The following STAM variants were observed in gnomAD, a reference collection of about 807,000 sequenced individuals.
The protein encoded by STAM is signal transducing adaptor molecule.
In STAM, 16 loss-of-function variants were observed where a neutral mutation model predicts 63.4. That is an observed-to-expected ratio of 0.25 (90% CI 0.17 to 0.38). The LOEUF is 0.38. STAM is among the 10% of genes least tolerant of loss of function. The probability of loss-of-function intolerance (pLI) is 1.00; values close to 1 mark genes in which losing one functional copy is unlikely to be tolerated. For missense variants in STAM, 636 were observed against 657.1 expected (o/e 0.97, Z 0.35); for synonymous variants, 238 against 223.9 (o/e 1.06, Z -0.56).
intron 2 of STAM, among the ~76,000 whole-genome samples, chr10:17,680,411 C>G (rs1835034990): frequency 1.3e-5 from 2 of 149,380 alleles, no homozygotes; most frequent in South Asian, 2.1e-4. Flanking sequence ...ATGATTTTGA[C>G]TACTCTTTTT....
chr10:17,715,313 C>T lies in STAM; in HGVS notation c.*533C>T, dbSNP rs997408646. ...GAAAACAAAGTTGTTAGCGTATTTA[C>T]ATGAAGGCGCATTATGTTGTCGTGT... On this transcript the variant is annotated 3_prime_UTR_variant, in exon 14 of 14. Transcript: ENST00000377524. 9.8e-5 allele frequency: 16 copies of T among 163,416 alleles called. No homozygotes were observed. The highest frequency in any genetic ancestry group is 2.9e-4 in the African/African-American group (12 of 41,638). The allele number at this position is 163,416 out of a possible 1,614,324, so 10.1% of individuals were successfully genotyped here. A position where few individuals can be genotyped will look rare whatever the true frequency, so the allele number is the denominator to read the frequency against.
intron 13 of STAM, among the ~76,000 whole-genome samples, chr10:17,713,696 C>A (rs564952508): frequency 2.0e-5 from 3 of 152,090 alleles, no homozygotes; most frequent in Non-Finnish European, 4.4e-5. Context: ...TCTCCCATCT[C>A]CACCATTACT....
At chr10:17,654,795 C>G (rs2244878) in intron 1 of STAM, among the ~76,000 whole-genome samples, 11,577 of 152,132 alleles carry the variant, frequency 0.076, 523 homozygotes, top group Admixed American at 0.12. Flanking sequence ...TCAAAAAAGT[C>G]TAGGTCTTGT....
chr10:17,667,965 T>C (rs72780799), intron 2 of STAM, among the ~76,000 whole-genome samples: 11,685 of 152,214 alleles, frequency 0.077, 528 homozygotes, highest in Admixed American at 0.11. Flanking sequence ...TAGAAGATGA[T>C]GGTTGGAAGG....
chr10:17,705,797 G>T (rs1836237674), intron 12 of STAM, 56 bp downstream of exon 12: 1 of 1,548,848 alleles, frequency 6.5e-7, no homozygotes, highest in Admixed American at 1.8e-5. Flanking sequence ...GTGAGGTGTG[G>T]TAGCTCATGC....
intron 1 of STAM, among the ~76,000 whole-genome samples, chr10:17,660,138 T>C (rs1834104491): frequency 6.6e-6 from 1 of 152,220 alleles, no homozygotes. Context: ...AATAATCTTT[T>C]GCTAATGAAA....
At chr10:17,675,232 C>T (rs932580097) in intron 2 of STAM, among the ~76,000 whole-genome samples, 6 of 152,112 alleles carry the variant, frequency 3.9e-5, no homozygotes, top group African/African-American at 7.2e-5. Flanking sequence ...TGGCTGGGCA[C>T]GTGGCTTACG....
At chr10:17,693,677 T>C (rs80211903) in intron 6 of STAM, among the ~76,000 whole-genome samples, 4,823 of 152,298 alleles carry the variant, frequency 0.032, 91 homozygotes, top group Middle Eastern at 0.14. Flanking sequence ...TTCTATAATA[T>C]CCAGTGTACT....
intron 1 of STAM, among the ~76,000 whole-genome samples, chr10:17,648,694 G>T (rs1023774768): frequency 5.3e-5 from 8 of 152,132 alleles, no homozygotes; most frequent in African/African-American, 1.9e-4. Flanking sequence ...ATAGTCAGTG[G>T]CAAGAGCCTT....
In STAM at chr10:17,695,169, A is replaced by T. The variant is rs1835704643; in HGVS notation, c.656A>T (p.Tyr219Phe). Reference protein sequence around the residue: ...QHEGRKVRAIYDFEAAEDNEL... With the variant: ...QHEGRKVRAIFDFEAAEDNEL... ...GAAGGCCGAAAAGTTCGTGCTATAT[A>T]TGACTTTGAAGCTGCTGAAGACAAT... The change falls in exon 7 of 14, where the codon TAT (tyrosine) becomes TTT (phenylalanine). Residue 219 changes from tyrosine (Y) to phenylalanine (F), a missense_variant. By Grantham distance (22) the Tyr-to-Phe change is conservative (BLOSUM62 3). Coordinates refer to ENST00000377524, the MANE Select transcript of STAM (RefSeq NM_003473.4). 6.2e-7 allele frequency: 1 copy of T among 1,613,976 alleles called. No homozygotes were observed. The highest frequency in any genetic ancestry group is 1.3e-5 in the African/African-American group (1 of 74,936).
intron 13 of STAM, among the ~76,000 whole-genome samples, chr10:17,712,893 C>T (rs538102032): frequency 6.6e-6 from 1 of 152,100 alleles, no homozygotes; most frequent in African/African-American, 2.4e-5. Context: ...AAGCTCAGTA[C>T]GTGAGGGGTG....
intron 2 of STAM, among the ~76,000 whole-genome samples, chr10:17,674,849 A>G (rs1241442243): frequency 6.6e-6 from 1 of 152,232 alleles, no homozygotes; most frequent in African/African-American, 2.4e-5. Context: ...TGAACTTAAC[A>G]AAACAATGAA....
At chr10:17,656,120 C>T (rs781876250) in intron 1 of STAM, among the ~76,000 whole-genome samples, 4 of 151,572 alleles carry the variant, frequency 2.6e-5, no homozygotes, top group African/African-American at 4.9e-5. Context: ...CAGTGAAACC[C>T]GTCTCTACTA....
intron 2 of STAM, among the ~76,000 whole-genome samples, chr10:17,664,242 G>A (rs1834288479): frequency 6.6e-6 from 1 of 151,906 alleles, no homozygotes; most frequent in Non-Finnish European, 1.5e-5. Context: ...GATACTTATG[G>A]TGGCATTCCT....
At position 17,666,519 on chromosome 10, in the gene STAM, T is replaced by C. The variant is rs146981291; in HGVS notation, c.125+5971T>C. 4.6e-3 allele frequency among the ~76,000 whole-genome samples: 694 copies of C among 150,812 alleles called. 6 individuals are homozygous for C. Among genetic ancestry groups the C allele is most frequent in the African/African-American group, 0.016 (668 of 41,108 alleles). ...ACCCCATTCTCCCGCCTCAGCCTCC[T>C]GAGTAGCTGGGACTACAGGCACCCG... On this transcript the variant is annotated intron_variant, in intron 2 of 13. Coordinates refer to ENST00000377524, the MANE Select transcript of STAM (RefSeq NM_003473.4).
intron 12 of STAM, among the ~76,000 whole-genome samples, chr10:17,706,415 G>A (rs1469974510): frequency 4.4e-5 from 5 of 114,242 alleles, no homozygotes; most frequent in Middle Eastern, 0.018. Flanking sequence ...GTCTCACTCC[G>A]TGGCCCAGGC....
intron 5 of STAM, among the ~76,000 whole-genome samples, chr10:17,692,715 C>CA (rs1242380227): frequency 3.3e-5 from 5 of 152,076 alleles, no homozygotes; most frequent in African/African-American, 4.8e-5. Context: ...ATTTGGTTTA[C>CA]AAAATAGGAT....
At chr10:17,659,124 T>A (rs577396879) in intron 1 of STAM, among the ~76,000 whole-genome samples, 1 of 152,130 alleles carries the variant, frequency 6.6e-6, no homozygotes, top group African/African-American at 2.4e-5. Flanking sequence ...TCTTTTTTTT[T>A]TAGTAATTGC....
At chr10:17,689,428 A>G (rs1835437531) in intron 5 of STAM, among the ~76,000 whole-genome samples, 1 of 152,194 alleles carries the variant, frequency 6.6e-6, no homozygotes, top group East Asian at 1.9e-4. Context: ...AGATGTGAAG[A>G]CTCAAAAATG....
Sources: gnomAD v4.1 joint callset for allele counts (sites outside exome capture counted in the v4.1 genomes callset) on GRCh38, gnomAD v4.1.1 for gene constraint, MANE v1.5 for transcripts, NCBI Gene and HGNC (gene_info 2026-07-23, HGNC 2026-07-21) for gene names.